DENND1A: variants seen among roughly 807,000 people sequenced by gnomAD.
The protein encoded by DENND1A is DENN domain-containing protein 1A.
DENND1A carries 51 observed loss-of-function variants against 113.7 expected under a neutral mutation model. That is an observed-to-expected ratio of 0.45 (90% CI 0.36 to 0.57). DENND1A has a LOEUF of 0.57. DENND1A is among the 20% of genes least tolerant of loss of function. The probability of loss-of-function intolerance (pLI) is 0.00; values close to 1 mark genes in which losing one functional copy is unlikely to be tolerated. For missense variants in DENND1A, 1,258 were observed against 1,395.9 expected, an observed-to-expected ratio of 0.90 and a Z score of 1.57; for synonymous variants, 565 against 570.8, an observed-to-expected ratio of 0.99 and a Z score of 0.14.
In DENND1A at chr9:123,753,553, TTTC is replaced by T. The variant is rs547369760; in HGVS notation, c.302+4147_302+4149del. ...TGAACTACACTTCTTCCAACAACTA[TTTC>T]TTATTTCCTCTCTGAATTTACGTCC... On this transcript the variant is annotated intron_variant, in intron 5 of 23. Transcript: ENST00000394215. Among the ~76,000 whole-genome samples, 517 of 152,354 alleles carry T rather than the reference TTTC, an allele frequency of 3.4e-3. 2 individuals carry two copies. Among genetic ancestry groups the T allele is most frequent in the Middle Eastern group, 0.027 (8 of 294 alleles).
At chr9:123,574,657 G>T (rs2058539801) in intron 12 of DENND1A, among the ~76,000 whole-genome samples, 1 of 151,996 alleles carries the variant, frequency 6.6e-6, no homozygotes, top group Non-Finnish European at 1.5e-5. Flanking sequence ...TGCAGTCATG[G>T]GTTCTTAGTT....
At chr9:123,532,863 T>C (rs1456343081) in intron 13 of DENND1A, among the ~76,000 whole-genome samples, 1 of 152,168 alleles carries the variant, frequency 6.6e-6, no homozygotes, top group African/African-American at 2.4e-5. Flanking sequence ...AGAGCTGCAA[T>C]GTGTATTAAT....
At chr9:123,730,216 A>G (rs2068056279) in intron 5 of DENND1A, among the ~76,000 whole-genome samples, 1 of 152,358 alleles carries the variant, frequency 6.6e-6, no homozygotes, top group Non-Finnish European at 1.5e-5. Context: ...TTCATGACTA[A>G]AACAACAAAA....
At chr9:123,682,003 G>T (rs979876138) in intron 5 of DENND1A, among the ~76,000 whole-genome samples, 3 of 152,150 alleles carry the variant, frequency 2.0e-5, no homozygotes, top group African/African-American at 7.2e-5. Flanking sequence ...GGCTTCCACT[G>T]ACAAAATCTG....
intron 4 of DENND1A, among the ~76,000 whole-genome samples, chr9:123,763,567 T>C (rs189243310): frequency 6.6e-6 from 1 of 152,160 alleles, no homozygotes; most frequent in East Asian, 1.9e-4. Context: ...AACTACAAAT[T>C]TGGAAGTCAT....
At chr9:123,858,067 A>AAC (rs1267563216) in intron 2 of DENND1A, among the ~76,000 whole-genome samples, 1 of 151,924 alleles carries the variant, frequency 6.6e-6, no homozygotes. Context: ...TCAAAAAAAA[A>AAC]AAAAAAAAAG....
intron 21 of DENND1A, among the ~76,000 whole-genome samples, chr9:123,392,971 G>A (rs1478651827): frequency 6.6e-6 from 1 of 152,192 alleles, no homozygotes; most frequent in African/African-American, 2.4e-5. Context: ...ATCCCATCCA[G>A]GTTGCTGTGG....
intron 1 of DENND1A, 144 bp downstream of exon 1, chr9:123,929,745 G>A: frequency 6.3e-6 from 1 of 159,658 alleles, no homozygotes; most frequent in East Asian, 1.9e-4. Flanking sequence ...CATAGCAACC[G>A]TCCCCCTCCC....
intron 19 of DENND1A, among the ~76,000 whole-genome samples, chr9:123,426,236 G>A (rs1478866471): frequency 1.1e-4 from 17 of 152,130 alleles, no homozygotes; most frequent in Admixed American, 9.2e-4. Context: ...CCACATTCGG[G>A]AGGCTGCAGG....
intron 2 of DENND1A, among the ~76,000 whole-genome samples, chr9:123,874,554 G>T (rs895205332): frequency 7.2e-5 from 11 of 152,180 alleles, no homozygotes; most frequent in Non-Finnish European, 1.6e-4. Context: ...TTGAGCCCAG[G>T]AGTTCGAGGC....
At chr9:123,751,380 A>G (rs1480701184) in intron 5 of DENND1A, 1 of 152,270 alleles carries the variant, frequency 6.6e-6, no homozygotes, top group East Asian at 1.9e-4. Flanking sequence ...AGGGATAATC[A>G]CTATCCTTGT....
chr9:123,757,188 C>T (rs570518521), intron 5 of DENND1A, among the ~76,000 whole-genome samples: 3 of 152,144 alleles, frequency 2.0e-5, no homozygotes, highest in Non-Finnish European at 2.9e-5. Flanking sequence ...CCTGAAGAAG[C>T]CTTCTTACAC....
intron 11 of DENND1A, among the ~76,000 whole-genome samples, chr9:123,594,184 T>C (rs2059586730): frequency 6.6e-6 from 1 of 151,258 alleles, no homozygotes; most frequent in South Asian, 2.1e-4. Context: ...TATGGCTACG[T>C]ATCAGTCCAA....
chr9:123,813,047 T>C (rs1256355675), intron 2 of DENND1A, among the ~76,000 whole-genome samples: 2 of 152,146 alleles, frequency 1.3e-5, no homozygotes, highest in African/African-American at 4.8e-5. Context: ...ACCTCCAGAC[T>C]CAAGGGATCC....
intron 19 of DENND1A, among the ~76,000 whole-genome samples, chr9:123,420,794 G>A (rs1041403803): frequency 8.6e-5 from 13 of 151,080 alleles, no homozygotes; most frequent in South Asian, 2.1e-4. Flanking sequence ...CAAAAGCAGC[G>A]AGGCAGCTGT....
At chr9:123,574,604 CCA>C (rs1279135384) in intron 12 of DENND1A, among the ~76,000 whole-genome samples, 1 of 152,188 alleles carries the variant, frequency 6.6e-6, no homozygotes, top group East Asian at 1.9e-4. Flanking sequence ...TTCTCCTTAC[CCA>C]GTTTCAGTTT....
intron 9 of DENND1A, among the ~76,000 whole-genome samples, chr9:123,630,953 G>GA (rs1340141716): frequency 1.3e-5 from 2 of 152,042 alleles, no homozygotes; most frequent in East Asian, 3.8e-4. Context: ...AATATTCTTA[G>GA]AAAAAATATC....
chr9:123,469,156 G>C (rs552050184), intron 13 of DENND1A, among the ~76,000 whole-genome samples: 1 of 152,332 alleles, frequency 6.6e-6, no homozygotes, highest in Non-Finnish European at 1.5e-5. Flanking sequence ...TGGGGTGACA[G>C]GACCAAGGCA....
chr9:123,584,679 G>C lies in DENND1A; in HGVS notation c.766-1409C>G, dbSNP rs542664044. ...TTATTGCCCTCAATGTTTGAAACTTGAGGAAGATGAGGTTCAGAGTGCTGA... is the reference window on the plus strand; with the variant it reads ...TTATTGCCCTCAATGTTTGAAACTTCAGGAAGATGAGGTTCAGAGTGCTGA... On this transcript the variant is annotated intron_variant, in intron 11 of 23. Coordinates refer to ENST00000394215, the MANE Select transcript of DENND1A (RefSeq NM_001352964.2). 2.0e-5 allele frequency among the ~76,000 whole-genome samples: 3 copies of C among 152,282 alleles called. No individual in the cohort carries two copies. In the South Asian group the frequency reaches 6.2e-4, roughly 32 times the overall value.
Sources: gnomAD v4.1 joint callset for allele counts (sites outside exome capture counted in the v4.1 genomes callset) on GRCh38, gnomAD v4.1.1 for gene constraint, MANE v1.5 for transcripts, NCBI Gene and HGNC (gene_info 2026-07-23, HGNC 2026-07-21) for gene names.